NT5C1B: variants seen among roughly 807,000 people sequenced by gnomAD.
NT5C1B encodes the protein 5'-nucleotidase, cytosolic IB, also known as cytosolic 5'-nucleotidase 1B.
In NT5C1B, 44 loss-of-function variants were observed where a neutral mutation model predicts 57.8. The ratio of observed to expected loss-of-function variants is 0.76; its 90% CI spans 0.60 to 0.98. The LOEUF is 0.98. NT5C1B is among the 50% of genes least tolerant of loss of function. The pLI is 0.00. For synonymous variants in NT5C1B, 284 were observed against 282.6 expected (o/e 1.00, Z -0.05); for missense variants, 742 against 719.5 (o/e 1.03, Z -0.36).
chr2:18,587,232 T>A, intron 2 of NT5C1B: 1 of 1,550,244 alleles, frequency 6.5e-7, no homozygotes, highest in African/African-American at 1.4e-5. Context: ...CCTCCCTGAT[T>A]TGAACAAAGA....
At chr2:18,576,793 A>G (rs750044376) in exon 7 of NT5C1B, 1 of 1,613,752 alleles carries the variant, frequency 6.2e-7, no homozygotes, top group Non-Finnish European at 8.5e-7. Context: ...TGCCTCTTGC[A>G]CTTTTTCAGA....
chr2:18,584,904 C>T lies in NT5C1B; in HGVS notation c.333G>A (p.Leu111=), dbSNP rs1172549915. 3.2e-6 allele frequency: 5 copies of T among 1,559,970 alleles called. 1 individual carries two copies. Among genetic ancestry groups the T allele is most frequent in the African/African-American group, 2.7e-5 (2 of 73,938 alleles). ...GTGGCTGGAGCGAGGGCTGCCCGGA[C>T]AGCGGCGGCGGTGAGGAGTCATGCA... Residue 111 remains leucine, a synonymous_variant, in exon 4 of 9, where the codon CTG becomes CTA. Transcript: ENST00000304081. This position sits in a 1 kb window ranked among gnomAD's most constrained non-coding sequence, Gnocchi z 5.8.
chr2:18,563,850 T>G (rs763692331), exon 9 of NT5C1B: 1 of 1,611,546 alleles, frequency 6.2e-7, no homozygotes, highest in East Asian at 2.2e-5. Context: ...CTAACCTCTG[T>G]GCCCCTTCAA....
intron 8 of NT5C1B, among the ~76,000 whole-genome samples, chr2:18,573,999 G>A (rs2148118920): frequency 6.6e-6 from 1 of 152,220 alleles, no homozygotes; most frequent in South Asian, 2.1e-4. Context: ...GAAAGTTTCT[G>A]CAAAGCAAAG....
At chr2:18,569,431 A>G (rs1664951326) in intron 8 of NT5C1B, among the ~76,000 whole-genome samples, 1 of 152,198 alleles carries the variant, frequency 6.6e-6, no homozygotes, top group African/African-American at 2.4e-5. Flanking sequence ...AAAAACAGCA[A>G]TTAAAACACA....
chr2:18,563,663 G>T, exon 9 of NT5C1B: 1 of 1,030,770 alleles, frequency 9.7e-7, no homozygotes, highest in Non-Finnish European at 1.3e-6. Flanking sequence ...CAAAAAATCA[G>T]GAGAAAACCT....
intron 8 of NT5C1B, among the ~76,000 whole-genome samples, chr2:18,574,956 T>C (rs963130064): frequency 3.3e-5 from 5 of 151,948 alleles, no homozygotes; most frequent in African/African-American, 1.2e-4. Context: ...TGTGCAACTT[T>C]TAAAAATTAA....
chr2:18,585,711 T>C (rs1434782379), intron 3 of NT5C1B, among the ~76,000 whole-genome samples: 3 of 152,216 alleles, frequency 2.0e-5, no homozygotes, highest in Non-Finnish European at 4.4e-5. Flanking sequence ...CAAAAAAGCA[T>C]GTTTTTGTTT....
At chr2:18,583,347 T>C (rs1207318903) in intron 5 of NT5C1B, 1 of 182,042 alleles carries the variant, frequency 5.5e-6, no homozygotes, top group African/African-American at 2.4e-5. Context: ...GATCATCTAA[T>C]GATTGTTTTT....
chr2:18,576,289 C>T, exon 8 of NT5C1B: 1 of 1,613,798 alleles, frequency 6.2e-7, no homozygotes, highest in South Asian at 1.1e-5. Flanking sequence ...GGACAGCATC[C>T]CCATCAAAGG....
At chr2:18,567,411 G>A (rs1294244324) in intron 8 of NT5C1B, among the ~76,000 whole-genome samples, 1 of 152,050 alleles carries the variant, frequency 6.6e-6, no homozygotes, top group Admixed American at 6.5e-5. Flanking sequence ...GCTATCACTG[G>A]GGCATGGCAA....
chr2:18,584,493 A>G lies in NT5C1B; in HGVS notation c.723+21T>C. The stretch of plus-strand genomic sequence containing the variant: ...TGCAAGGAAGGGCGCCCCGGCTGCC[A>G]GGGGCGGCGGGCTGGCTCACCGGCC... On this transcript the variant is annotated intron_variant, in intron 4 of 8. Transcript: ENST00000304081. This position sits in a 1 kb window ranked among gnomAD's most constrained non-coding sequence, Gnocchi z 5.8. The G allele has an allele frequency of 6.2e-7, 1 of 1,601,024 alleles. No homozygotes were observed. The highest frequency in any genetic ancestry group is 8.5e-7 in the Non-Finnish European group (1 of 1,174,570).
chr2:18,563,859 A>G lies in NT5C1B; in HGVS notation c.1590T>C (p.Ile530=), dbSNP rs753661424. The G allele has an allele frequency of 1.9e-6, 3 of 1,612,818 alleles. No individual in the cohort carries two copies. In the Admixed American group the frequency reaches 5.0e-5, roughly 27 times the overall value. ...TGGAACCTAACCTCTGTGCCCCTTCAATGTGGAACATGTGGTCATCAAAGA... is the reference window on the plus strand; with the variant it reads ...TGGAACCTAACCTCTGTGCCCCTTCGATGTGGAACATGTGGTCATCAAAGA... Residue 530 remains isoleucine (I), a synonymous_variant, in exon 9 of 9, where the codon ATT becomes ATC. Transcript: ENST00000304081.
chr2:18,566,969 T>C (rs1407867306), intron 8 of NT5C1B, among the ~76,000 whole-genome samples: 1 of 152,196 alleles, frequency 6.6e-6, no homozygotes, highest in East Asian at 1.9e-4. Context: ...AAGAAAGTTA[T>C]ACCAGCTTCC....
At chr2:18,566,235 G>T (rs1045358688) in intron 8 of NT5C1B, among the ~76,000 whole-genome samples, 2 of 152,056 alleles carry the variant, frequency 1.3e-5, no homozygotes, top group African/African-American at 2.4e-5. Context: ...AAGTAGACTG[G>T]TTTTTCTTGG....
chr2:18,577,666 C>T (rs900653991), intron 6 of NT5C1B, among the ~76,000 whole-genome samples: 8 of 148,416 alleles, frequency 5.4e-5, no homozygotes, highest in Admixed American at 1.3e-4. Flanking sequence ...AGAAAGATCA[C>T]AAATTAACAA....
chr2:18,569,069 A>G (rs1664914095), intron 8 of NT5C1B, among the ~76,000 whole-genome samples: 1 of 152,188 alleles, frequency 6.6e-6, no homozygotes, highest in African/African-American at 2.4e-5. Context: ...GAATAGATAA[A>G]ATAATATATG....
intron 5 of NT5C1B, chr2:18,583,751 A>G: frequency 2.1e-6 from 1 of 476,484 alleles, no homozygotes; most frequent in Admixed American, 2.6e-5. Context: ...TTTCACTGTA[A>G]TATGGCGTTT....
At chr2:18,579,163 T>A (rs377336224) in intron 6 of NT5C1B, among the ~76,000 whole-genome samples, 12 of 152,078 alleles carry the variant, frequency 7.9e-5, no homozygotes, top group East Asian at 7.7e-4. Flanking sequence ...TGGAAAAACA[T>A]CCCATGATCA....
Sources: gnomAD v4.1 joint callset for allele counts (sites outside exome capture counted in the v4.1 genomes callset) on GRCh38, gnomAD v4.1.1 for gene constraint, Gnocchi (gnomAD v3.1) non-coding constraint, MANE v1.5 for transcripts, NCBI Gene and HGNC (gene_info 2026-07-23, HGNC 2026-07-21) for gene names.